Variants in L3MBTL3 observed in about 807,000 individuals in gnomAD.
The protein encoded by L3MBTL3 is L3MBTL histone methyl-lysine binding protein 3, also known as lethal(3)malignant brain tumor-like protein 3.
In L3MBTL3, 27 loss-of-function variants were observed where a neutral mutation model predicts 102.3. That is an observed-to-expected ratio of 0.26 (90% CI 0.19 to 0.36). L3MBTL3 has a LOEUF of 0.36. L3MBTL3 is among the 10% of genes least tolerant of loss of function. The pLI, the probability that L3MBTL3 is intolerant of heterozygous loss-of-function variation, is 1.00. For synonymous variants in L3MBTL3, 340 were observed against 320.9 expected (o/e 1.06, Z -0.64); for missense variants, 798 against 955.3 (o/e 0.84, Z 2.17).
At chr6:130,019,920 C>CGCCGT (rs1474143869) in intron 1 of L3MBTL3, among the ~76,000 whole-genome samples, 14 of 140,786 alleles carry the variant, frequency 9.9e-5, no homozygotes, top group African/African-American at 5.1e-5. Context: ...GTTCGCCCCG[C>CGCCGT]GCCGTGCCGC....
intron 16 of L3MBTL3, among the ~76,000 whole-genome samples, chr6:130,088,307 A>G (rs1213471017): frequency 6.6e-6 from 1 of 152,188 alleles, no homozygotes; most frequent in Non-Finnish European, 1.5e-5. Context: ...GTCAGTGACT[A>G]AGTTTCAGAA....
chr6:130,062,445 C>T (rs113435331), intron 10 of L3MBTL3, among the ~76,000 whole-genome samples: 15 of 151,366 alleles, frequency 9.9e-5, no homozygotes, highest in African/African-American at 2.2e-4. Flanking sequence ...AGTGCAGTGA[C>T]GTGTACATGG....
intron 8 of L3MBTL3, 143 bp downstream of exon 8, chr6:130,055,398 T>G (rs1189673614): frequency 3.1e-6 from 2 of 641,750 alleles, no homozygotes; most frequent in Non-Finnish European, 5.4e-6. Context: ...TTTGAGATTT[T>G]GAGGATAAGG....
At chr6:130,120,805 TG>T in intron 19 of L3MBTL3, 73 bp from the exon 20 acceptor site, 2 of 1,063,696 alleles carry the variant, frequency 1.9e-6, no homozygotes, top group Non-Finnish European at 2.9e-6. Context: ...GAAAAGCACT[TG>T]TTGAGATGTA....
At chr6:130,079,391 A>T (rs979178663) in intron 14 of L3MBTL3, among the ~76,000 whole-genome samples, 6 of 152,200 alleles carry the variant, frequency 3.9e-5, no homozygotes, top group Non-Finnish European at 8.8e-5. Context: ...AACGGGGAAC[A>T]GTGTAACTGC....
At chr6:130,062,844 A>G (rs1222811088) in intron 10 of L3MBTL3, among the ~76,000 whole-genome samples, 1 of 150,724 alleles carries the variant, frequency 6.6e-6, no homozygotes, top group African/African-American at 2.4e-5. Flanking sequence ...TTACCTCTGT[A>G]AGTAGGTCTA....
intron 2 of L3MBTL3, among the ~76,000 whole-genome samples, chr6:130,037,699 AC>A (rs1418263038): frequency 6.6e-6 from 1 of 152,202 alleles, no homozygotes; most frequent in Non-Finnish European, 1.5e-5. Context: ...ATATTTTGAT[AC>A]ATGCATATCA....
chr6:130,027,802 A>T (rs574281760), intron 2 of L3MBTL3, among the ~76,000 whole-genome samples: 1 of 152,338 alleles, frequency 6.6e-6, no homozygotes, highest in East Asian at 1.9e-4. Context: ...ATTTTAGTTC[A>T]TGCATATTTA....
At chr6:130,067,432 T>C (rs1782335948) in intron 11 of L3MBTL3, among the ~76,000 whole-genome samples, 1 of 152,226 alleles carries the variant, frequency 6.6e-6, no homozygotes, top group African/African-American at 2.4e-5. Context: ...TAATATCTTA[T>C]TCCCTTCTAT....
At chr6:130,137,808 C>G (rs74338514) in intron 22 of L3MBTL3, 3 of 152,360 alleles carry the variant, frequency 2.0e-5, no homozygotes, top group East Asian at 1.9e-4. Flanking sequence ...GTCCATTGTA[C>G]TAAGGTCTGC....
intron 2 of L3MBTL3, among the ~76,000 whole-genome samples, chr6:130,038,761 C>A (rs576518612): frequency 1.3e-5 from 2 of 151,958 alleles, no homozygotes; most frequent in Non-Finnish European, 2.9e-5. Context: ...TGTGCAGAAT[C>A]GTTTTAGTTT....
chr6:130,080,162 G>A (rs908119285), intron 14 of L3MBTL3, among the ~76,000 whole-genome samples: 1 of 151,920 alleles, frequency 6.6e-6, no homozygotes, highest in Non-Finnish European at 1.5e-5. Flanking sequence ...ACTGAGGCAG[G>A]AGGATTGCTT....
Position 130,046,735 on chromosome 6 carries a change from C to G in L3MBTL3, c.103-2547C>G, listed in dbSNP as rs1780745321. Among the ~76,000 whole-genome samples the G allele has an allele frequency of 2.6e-5, 4 of 152,136 alleles. No homozygotes were observed. The South Asian group carries it at 8.3e-4, about 32-fold the overall frequency. ...CAAGTTTTTTACATATTTTAGCTCTCTAGGTTAAAAGAACTAATGATTTAA... is the reference window on the plus strand; with the variant it reads ...CAAGTTTTTTACATATTTTAGCTCTGTAGGTTAAAAGAACTAATGATTTAA... On this transcript the variant is annotated intron_variant, in intron 3 of 22. Coordinates refer to ENST00000361794, the MANE Select transcript of L3MBTL3 (RefSeq NM_032438.4).
intron 16 of L3MBTL3, among the ~76,000 whole-genome samples, chr6:130,087,706 G>A (rs1783775750): frequency 6.6e-6 from 1 of 152,168 alleles, no homozygotes; most frequent in Non-Finnish European, 1.5e-5. Flanking sequence ...CTTAACATTG[G>A]AAGCAACCAC....
intron 2 of L3MBTL3, among the ~76,000 whole-genome samples, chr6:130,023,595 C>T (rs1410763348): frequency 2.0e-5 from 3 of 152,154 alleles, no homozygotes; most frequent in African/African-American, 7.2e-5. Context: ...GTCACTCTAC[C>T]TCCTTCAGCC....
chr6:130,121,515 A>G (rs183573973), intron 20 of L3MBTL3, among the ~76,000 whole-genome samples: 53 of 152,256 alleles, frequency 3.5e-4, no homozygotes, highest in Non-Finnish European at 3.2e-4. Flanking sequence ...GTAATTTTTT[A>G]TATGGATTCA....
At chr6:130,072,671 C>T (rs973589748) in intron 13 of L3MBTL3, among the ~76,000 whole-genome samples, 1 of 152,182 alleles carries the variant, frequency 6.6e-6, no homozygotes, top group Non-Finnish European at 1.5e-5. Context: ...TGTATTCCTA[C>T]TCCTAAAATC....
At chr6:130,119,199 A>G (rs1785950071) in intron 19 of L3MBTL3, among the ~76,000 whole-genome samples, 1 of 152,136 alleles carries the variant, frequency 6.6e-6, no homozygotes, top group South Asian at 2.1e-4. Flanking sequence ...CAGAGCTTCT[A>G]GAAAAGCCAC....
intron 19 of L3MBTL3, among the ~76,000 whole-genome samples, chr6:130,108,881 C>T (rs913331146): frequency 3.3e-5 from 5 of 151,982 alleles, no homozygotes; most frequent in African/African-American, 7.3e-5. Context: ...GACAGGCCCC[C>T]GTGTGTGATG....
Sources: gnomAD v4.1 joint callset for allele counts (sites outside exome capture counted in the v4.1 genomes callset) on GRCh38, gnomAD v4.1.1 for gene constraint, MANE v1.5 for transcripts, NCBI Gene and HGNC (gene_info 2026-07-23, HGNC 2026-07-21) for gene names.